ROBO1: variants seen among roughly 807,000 people sequenced by gnomAD.
ROBO1 encodes the protein roundabout homolog 1.
ROBO1 carries 149 observed loss-of-function variants against 195.9 expected under a neutral mutation model. That is an observed-to-expected ratio of 0.76 (90% CI 0.67 to 0.87). The LOEUF is 0.87. Ranked by LOEUF, ROBO1 falls within the 40% of genes least tolerant of loss-of-function variation. ROBO1 has a pLI of 0.00. For missense variants in ROBO1, 1,933 were observed against 2,068.3 expected (o/e 0.93, Z 1.27); for synonymous variants, 816 against 733.2 (o/e 1.11, Z -1.82).
chr3:79,357,831 T>C (rs1169740709), intron 2 of ROBO1, among the ~76,000 whole-genome samples: 1 of 152,172 alleles, frequency 6.6e-6, no homozygotes, highest in Non-Finnish European at 1.5e-5. Flanking sequence ...TTTCCGTACA[T>C]ATAAAATTTG....
chr3:78,777,428 G>GAT (rs34665353), intron 4 of ROBO1, among the ~76,000 whole-genome samples: 42,514 of 151,792 alleles, frequency 0.28, 7,371 homozygotes, highest in South Asian at 0.44. Flanking sequence ...ATTTCCTTAT[G>GAT]ATATATATAC....
chr3:79,230,002 T>G (rs569909848), intron 2 of ROBO1, among the ~76,000 whole-genome samples: 1 of 152,158 alleles, frequency 6.6e-6, no homozygotes, highest in South Asian at 2.1e-4. Flanking sequence ...CAATCAGCGT[T>G]CTGTGAACTT....
chr3:78,821,336 T>C (rs1383557787), intron 4 of ROBO1, among the ~76,000 whole-genome samples: 2 of 151,854 alleles, frequency 1.3e-5, no homozygotes, highest in Non-Finnish European at 2.9e-5. Context: ...CGGCTAATTT[T>C]TGTATTTTTA....
intron 1 of ROBO1, among the ~76,000 whole-genome samples, chr3:79,691,335 A>G (rs1435558213): frequency 6.6e-6 from 1 of 151,860 alleles, no homozygotes; most frequent in African/African-American, 2.4e-5. Flanking sequence ...AAGCAAGAAG[A>G]CTAACTCTTC....
intron 2 of ROBO1, among the ~76,000 whole-genome samples, chr3:79,219,742 G>A (rs1038969653): frequency 1.3e-5 from 2 of 151,930 alleles, no homozygotes; most frequent in East Asian, 1.9e-4. Context: ...CTGGTTTGAC[G>A]GCCACTGTCC....
At chr3:78,790,092 G>A (rs1471296919) in intron 4 of ROBO1, among the ~76,000 whole-genome samples, 5 of 152,184 alleles carry the variant, frequency 3.3e-5, no homozygotes, top group African/African-American at 9.6e-5. Flanking sequence ...GGGACTGTTG[G>A]AGTCCTAAAA....
Position 79,271,056 on chromosome 3 carries a change from TATC to T in ROBO1, c.89-145520_89-145518del, listed in dbSNP as rs137895906. On this transcript the variant is annotated intron_variant, in intron 2 of 30. Transcript: ENST00000464233. The stretch of plus-strand genomic sequence containing the variant: ...GCTGTAGATTCAGAAGAAATATTAT[TATC>T]ATGTCATAGCCAATTAACTGATCAA... Among the ~76,000 whole-genome samples, 696 of 152,086 alleles carry T rather than the reference TATC, an allele frequency of 4.6e-3. 5 individuals are homozygous for T. The highest frequency in any genetic ancestry group is 0.016 in the African/African-American group (667 of 41,552).
At chr3:79,088,385 G>C (rs142182758) in intron 3 of ROBO1, among the ~76,000 whole-genome samples, 195 of 152,214 alleles carry the variant, frequency 1.3e-3, no homozygotes, top group African/African-American at 4.4e-3. Context: ...TTTAAAGCTT[G>C]TTTTATTTAG....
chr3:78,658,941 G>A (rs1327557828), intron 17 of ROBO1, among the ~76,000 whole-genome samples: 1 of 152,168 alleles, frequency 6.6e-6, no homozygotes, highest in Non-Finnish European at 1.5e-5. Context: ...TGACCATGAA[G>A]TTACGTGAAA....
chr3:78,759,830 C>A (rs866315651), intron 4 of ROBO1, among the ~76,000 whole-genome samples: 1 of 143,638 alleles, frequency 7.0e-6, no homozygotes, highest in Non-Finnish European at 1.5e-5. Context: ...AAACAGCATG[C>A]CTTTTAACGT....
rs552919532 is a variant in ROBO1, at chr3:79,569,742, T to A, written c.88+20082A>T. Among the ~76,000 whole-genome samples the A allele has an allele frequency of 3.3e-5, 5 of 151,938 alleles. No individual in the cohort carries two copies. The East Asian group carries it at 7.7e-4, about 24-fold the overall frequency. ...ATATGTGTGTGTATGTGTATATATA[T>A]ATGTATATAGACAATTCCTGAAGCT... On this transcript the variant is annotated intron_variant, in intron 2 of 30. Transcript: ENST00000464233.
chr3:78,669,990 C>T, intron 11 of ROBO1, 106 bp downstream of exon 11: 1 of 755,198 alleles, frequency 1.3e-6, no homozygotes, highest in Middle Eastern at 2.5e-4. Flanking sequence ...TACTACTCTT[C>T]ATTTAACACT....
intron 3 of ROBO1, among the ~76,000 whole-genome samples, chr3:79,052,900 T>A (rs1330585304): frequency 6.6e-6 from 1 of 152,056 alleles, no homozygotes; most frequent in East Asian, 1.9e-4. Flanking sequence ...GGGTTAACTA[T>A]GGGTCACAAA....
chr3:79,724,850 C>T (rs1702849924), intron 1 of ROBO1, among the ~76,000 whole-genome samples: 1 of 152,130 alleles, frequency 6.6e-6, no homozygotes, highest in African/African-American at 2.4e-5. Flanking sequence ...ACTTTTTAGA[C>T]TGTATTTACT....
intron 14 of ROBO1, among the ~76,000 whole-genome samples, chr3:78,665,564 C>T (rs1477401008): frequency 1.3e-5 from 2 of 152,112 alleles, no homozygotes; most frequent in East Asian, 1.9e-4. Context: ...CTCAGTTTTA[C>T]GACATCCACA....
chr3:79,764,989 A>G (rs1704906766), intron 1 of ROBO1, among the ~76,000 whole-genome samples: 1 of 152,170 alleles, frequency 6.6e-6, no homozygotes, highest in Non-Finnish European at 1.5e-5. Context: ...GAAATCACTA[A>G]CCTTCATAGA....
At chr3:79,164,205 G>T (rs1334189136) in intron 2 of ROBO1, among the ~76,000 whole-genome samples, 1 of 152,096 alleles carries the variant, frequency 6.6e-6, no homozygotes, top group Non-Finnish European at 1.5e-5. Flanking sequence ...ACATAAATGT[G>T]GTCCAATTCC....
intron 2 of ROBO1, among the ~76,000 whole-genome samples, chr3:79,392,875 A>G (rs1439957568): frequency 6.6e-6 from 1 of 152,218 alleles, no homozygotes; most frequent in Non-Finnish European, 1.5e-5. Flanking sequence ...AAGCAAGAAT[A>G]TTGAGATTTC....
At chr3:78,717,669 T>G in intron 6 of ROBO1, 94 bp downstream of exon 6, 1 of 1,376,134 alleles carries the variant, frequency 7.3e-7, no homozygotes, top group Non-Finnish European at 9.8e-7. Flanking sequence ...CTAAAAATAT[T>G]TGGCTTAACA....
Sources: gnomAD v4.1 joint callset for allele counts (sites outside exome capture counted in the v4.1 genomes callset) on GRCh38, gnomAD v4.1.1 for gene constraint, MANE v1.5 for transcripts, NCBI Gene and HGNC (gene_info 2026-07-23, HGNC 2026-07-21) for gene names.